Variants in DACH2 observed in about 807,000 individuals in gnomAD.
DACH2 encodes dachshund homolog 2.
A neutral mutation model predicts 35.8 loss-of-function variants in DACH2; 17 were observed. The ratio of observed to expected loss-of-function variants is 0.48; its 90% confidence interval spans 0.33 to 0.71. DACH2 has a LOEUF of 0.71. Ranked by LOEUF, DACH2 falls within the 30% of genes least tolerant of loss-of-function variation. The probability of loss-of-function intolerance (pLI) is 0.02; values close to 1 mark genes in which losing one functional copy is unlikely to be tolerated. For missense variants in DACH2, 469 were observed against 472.7 expected (o/e 0.99, Z 0.07); for synonymous variants, 195 against 177.3 (o/e 1.10, Z -0.79).
At chrX:86,510,877 A>G (rs2038386920) in intron 2 of DACH2, among the ~76,000 whole-genome samples, 1 of 111,830 alleles carries the variant, frequency 8.9e-6, no homozygotes, top group Non-Finnish European at 1.9e-5. Flanking sequence ...GAAAACAAAT[A>G]ATTGCCAAGA....
chrX:86,787,618 C>CA lies in DACH2; in HGVS notation c.1241-25220dup, dbSNP rs5902916. 8.0e-3 allele frequency among the ~76,000 whole-genome samples: 581 copies of CA among 72,233 alleles called. 1 individual carries two copies. The highest frequency in any genetic ancestry group is 0.043 in the Middle Eastern group (6 of 141). The allele number at this position is 72,233 out of a possible 115,157, so 62.7% of individuals were successfully genotyped here. On this transcript the variant is annotated intron_variant, in intron 7 of 11. Transcript: ENST00000373125. Reference sequence around the variant, plus strand: ...GGGCAACAAGAGTGAAACTCAGTCTCAAAAAAAAAAAAAAAAAAGAAAAGA... The same window carrying CA: ...GGGCAACAAGAGTGAAACTCAGTCTCAAAAAAAAAAAAAAAAAAAGAAAAGA...
intron 1 of DACH2, among the ~76,000 whole-genome samples, chrX:86,189,057 A>G (rs2031757240): frequency 8.9e-6 from 1 of 112,147 alleles, no homozygotes; most frequent in Admixed American, 9.5e-5. Flanking sequence ...CAGTATTTAT[A>G]TAGAGAATAT....
chrX:86,583,472 G>GC (rs2039528452), intron 3 of DACH2, among the ~76,000 whole-genome samples: 1 of 110,705 alleles, frequency 9.0e-6, no homozygotes, highest in Non-Finnish European at 1.9e-5. Flanking sequence ...CATTGTCTTT[G>GC]CCCAAAAGCT....
chrX:86,329,883 G>C (rs781631975), intron 1 of DACH2, among the ~76,000 whole-genome samples: 7 of 111,786 alleles, frequency 6.3e-5, no homozygotes, highest in Non-Finnish European at 9.4e-5. Context: ...TAGTGTTGTT[G>C]ATGTGGGATT....
chrX:86,643,225 AT>A (rs918143170), intron 3 of DACH2, among the ~76,000 whole-genome samples: 1 of 107,613 alleles, frequency 9.3e-6, no homozygotes, highest in Non-Finnish European at 1.9e-5. Context: ...AGCTAGACTA[AT>A]TAAGAAAGAA....
intron 3 of DACH2, among the ~76,000 whole-genome samples, chrX:86,639,428 C>A (rs922134731): frequency 6.3e-5 from 7 of 111,627 alleles, no homozygotes; most frequent in Non-Finnish European, 1.1e-4. Flanking sequence ...AGCAGCTGCT[C>A]AGGCATGTGT....
chrX:86,674,155 T>C (rs1456942029), intron 4 of DACH2, among the ~76,000 whole-genome samples: 5 of 112,528 alleles, frequency 4.4e-5, no homozygotes, highest in African/African-American at 1.6e-4. Context: ...TCTTTGATTT[T>C]CTCTATTCTC....
chrX:86,478,519 T>A (rs1243114890), intron 2 of DACH2, among the ~76,000 whole-genome samples: 1 of 108,937 alleles, frequency 9.2e-6, no homozygotes, highest in African/African-American at 3.3e-5. Flanking sequence ...TTGCTGCTTT[T>A]AGTTTTTTTC....
chrX:86,438,025 C>T (rs1004174988), intron 2 of DACH2, among the ~76,000 whole-genome samples: 7 of 109,031 alleles, frequency 6.4e-5, no homozygotes, highest in African/African-American at 2.3e-4. Context: ...AGTATCTCCT[C>T]CTCCTCCTAC....
At chrX:86,383,105 G>C (rs1316057784) in intron 2 of DACH2, among the ~76,000 whole-genome samples, 1 of 110,151 alleles carries the variant, frequency 9.1e-6, no homozygotes, top group Non-Finnish European at 1.9e-5. Flanking sequence ...GATTCAACTG[G>C]GTTAGCTAAT....
chrX:86,318,332 TA>T (rs917308737), intron 1 of DACH2, among the ~76,000 whole-genome samples: 5 of 111,557 alleles, frequency 4.5e-5, no homozygotes, highest in African/African-American at 1.3e-4. Context: ...TTCAGCTTTT[TA>T]TGAGTCCTGT....
chrX:86,398,447 G>T (rs2036347613), intron 2 of DACH2, among the ~76,000 whole-genome samples: 1 of 111,693 alleles, frequency 9.0e-6, no homozygotes, highest in Admixed American at 9.5e-5. Context: ...GAATGTGTTT[G>T]CTCTTGCTTC....
intron 1 of DACH2, among the ~76,000 whole-genome samples, chrX:86,317,890 G>A (rs1313049220): frequency 9.0e-6 from 1 of 111,137 alleles, no homozygotes; most frequent in South Asian, 3.8e-4. Flanking sequence ...GTCTACACAG[G>A]GGCTGTGTAG....
chrX:86,619,419 G>C (rs1376338398), intron 3 of DACH2, among the ~76,000 whole-genome samples: 2 of 112,013 alleles, frequency 1.8e-5, no homozygotes, highest in Non-Finnish European at 3.8e-5. Flanking sequence ...ATTCTCATGT[G>C]AATTTTTTAA....
chrX:86,651,854 G>A (rs1174988253), intron 4 of DACH2, among the ~76,000 whole-genome samples: 1 of 111,831 alleles, frequency 8.9e-6, no homozygotes, highest in Non-Finnish European at 1.9e-5. Context: ...TGGATGGACG[G>A]ATGGAAAGAT....
chrX:86,677,151 C>T (rs1217487050), intron 4 of DACH2, among the ~76,000 whole-genome samples: 2 of 111,913 alleles, frequency 1.8e-5, no homozygotes, highest in East Asian at 5.6e-4. Flanking sequence ...TTAAGTTAGT[C>T]GCTGCCTAAA....
chrX:86,819,255 A>G (rs189096556), intron 11 of DACH2, among the ~76,000 whole-genome samples: 5 of 110,191 alleles, frequency 4.5e-5, no homozygotes, highest in African/African-American at 9.9e-5. Flanking sequence ...TACTACTCCA[A>G]TGGTTATGTC....
chrX:86,151,657 T>C (rs185440341), intron 1 of DACH2, among the ~76,000 whole-genome samples: 1 of 111,642 alleles, frequency 9.0e-6, no homozygotes, highest in East Asian at 2.8e-4. Flanking sequence ...CAAAATATAA[T>C]AATGCATTTA....
chrX:86,390,152 C>T (rs929020668), intron 2 of DACH2, among the ~76,000 whole-genome samples: 2 of 111,354 alleles, frequency 1.8e-5, no homozygotes, highest in Non-Finnish European at 3.8e-5. Context: ...TTTGGAATCA[C>T]CTGACAAAAT....
Sources: allele counts gnomAD v4.1 joint callset (sites outside exome capture counted in the v4.1 genomes callset), GRCh38; gene constraint gnomAD v4.1.1; transcripts MANE v1.5; gene names NCBI Gene and HGNC (gene_info 2026-07-23, HGNC 2026-07-21).